HS6ST3: variants seen among roughly 807,000 people sequenced by gnomAD.
The protein encoded by HS6ST3 is heparan sulfate 6-O-sulfotransferase 3.
Under a neutral mutation model 36.7 loss-of-function variants are expected in HS6ST3, and 12 were observed. The ratio of observed to expected loss-of-function variants is 0.33; its 90% CI spans 0.21 to 0.53. The LOEUF is 0.53. Ranked by LOEUF, HS6ST3 falls within the 20% of genes least tolerant of loss-of-function variation. The probability of loss-of-function intolerance (pLI) is 0.95; values close to 1 mark genes in which losing one functional copy is unlikely to be tolerated. For synonymous variants in HS6ST3, 240 were observed against 257.5 expected, an observed-to-expected ratio of 0.93 and a Z score of 0.65; for missense variants, 584 against 640.9, an observed-to-expected ratio of 0.91 and a Z score of 0.96.
intron 1 of HS6ST3, among the ~76,000 whole-genome samples, chr13:96,591,712 A>G (rs966668429): frequency 6.6e-6 from 1 of 152,032 alleles, no homozygotes; most frequent in Non-Finnish European, 1.5e-5. Context: ...CGATTGCTCT[A>G]GCTAGGACTT....
intron 1 of HS6ST3, among the ~76,000 whole-genome samples, chr13:96,163,347 A>G (rs1007064456): frequency 6.8e-6 from 1 of 146,078 alleles, no homozygotes; most frequent in Non-Finnish European, 1.5e-5. Flanking sequence ...CTCCTGCCTT[A>G]GCCTCCTGAG....
At chr13:96,200,779 A>G (rs2054337985) in intron 1 of HS6ST3, among the ~76,000 whole-genome samples, 1 of 152,318 alleles carries the variant, frequency 6.6e-6, no homozygotes, top group East Asian at 1.9e-4. Flanking sequence ...TATACCTTAC[A>G]TCGTATTCAG....
At chr13:96,504,825 T>C (rs983104445) in intron 1 of HS6ST3, among the ~76,000 whole-genome samples, 2 of 152,160 alleles carry the variant, frequency 1.3e-5, no homozygotes, top group African/African-American at 4.8e-5. Flanking sequence ...TATAAAAATA[T>C]ATAAAATGTT....
chr13:96,281,418 CT>C (rs948887676), intron 1 of HS6ST3, among the ~76,000 whole-genome samples: 7 of 152,034 alleles, frequency 4.6e-5, no homozygotes, highest in Non-Finnish European at 1.0e-4. Flanking sequence ...ACTGTGCATG[CT>C]TTTTTTGGTA....
chr13:96,654,680 T>C (rs1437814293), intron 1 of HS6ST3, among the ~76,000 whole-genome samples: 4 of 152,136 alleles, frequency 2.6e-5, no homozygotes, highest in African/African-American at 7.2e-5. Context: ...GATTCTTGTC[T>C]TCCATTCTGT....
At chr13:96,783,876 T>C (rs1012282800) in intron 1 of HS6ST3, among the ~76,000 whole-genome samples, 1 of 152,148 alleles carries the variant, frequency 6.6e-6, no homozygotes, top group African/African-American at 2.4e-5. Flanking sequence ...ATTTGGTGTG[T>C]CATTGATCTT....
chr13:96,806,794 A>C (rs1425197549), intron 1 of HS6ST3, among the ~76,000 whole-genome samples: 1 of 152,218 alleles, frequency 6.6e-6, no homozygotes, highest in Admixed American at 6.5e-5. Flanking sequence ...TGACTATTCA[A>C]TTGCAGGTGA....
chr13:96,590,423 G>A lies in HS6ST3; in HGVS notation c.708-242067G>A, dbSNP rs773730750. Reference sequence around the variant, plus strand: ...ACATTTCATTGTAGTTTTGATTTGCGTTTCTCTGATAATCAGTGACATTTG... The same window carrying A: ...ACATTTCATTGTAGTTTTGATTTGCATTTCTCTGATAATCAGTGACATTTG... On this transcript the variant is annotated intron_variant, in intron 1 of 1. Transcript: ENST00000376705. Among the ~76,000 whole-genome samples the A allele has an allele frequency of 5.9e-5, 9 of 151,554 alleles. No individual in the cohort carries two copies. The South Asian group carries it at 6.2e-4, about 11-fold the overall frequency.
At chr13:96,706,209 A>G (rs571276518) in intron 1 of HS6ST3, among the ~76,000 whole-genome samples, 1 of 151,846 alleles carries the variant, frequency 6.6e-6, no homozygotes, top group African/African-American at 2.4e-5. Context: ...TTCCCCTAGG[A>G]CCATATGCCC....
intron 1 of HS6ST3, among the ~76,000 whole-genome samples, chr13:96,582,931 G>T (rs955593904): frequency 6.6e-6 from 1 of 151,912 alleles, no homozygotes; most frequent in Non-Finnish European, 1.5e-5. Context: ...TACTGCATGG[G>T]ATATTTTATA....
chr13:96,165,957 G>A (rs1312806366), intron 1 of HS6ST3, among the ~76,000 whole-genome samples: 1 of 152,144 alleles, frequency 6.6e-6, no homozygotes, highest in African/African-American at 2.4e-5. Context: ...TGCCCTAGGG[G>A]AGGGAGACCA....
chr13:96,243,085 CAT>C (rs1345891550), intron 1 of HS6ST3, among the ~76,000 whole-genome samples: 3 of 152,158 alleles, frequency 2.0e-5, no homozygotes, highest in Admixed American at 6.5e-5. Context: ...GCCACTTTAA[CAT>C]GTGATCGATA....
chr13:96,167,235 A>T (rs573346288), intron 1 of HS6ST3, among the ~76,000 whole-genome samples: 6 of 152,194 alleles, frequency 3.9e-5, no homozygotes, highest in African/African-American at 1.4e-4. Flanking sequence ...TCTTACAGGG[A>T]TGTTGGGATA....
At chr13:96,509,383 A>G (rs2056039789) in intron 1 of HS6ST3, among the ~76,000 whole-genome samples, 1 of 151,666 alleles carries the variant, frequency 6.6e-6, no homozygotes, top group South Asian at 2.1e-4. Context: ...TTTTTGTTGC[A>G]TTTGCTTTTG....
rs565850004 is a variant in HS6ST3 at position 96,742,502 on chromosome 13, A to G, written c.708-89988A>G. ...GGATGAAAAAAGATATACCAGGCAA[A>G]TGTTAACAATAAATGTACTTGTGGT... On this transcript the variant is annotated intron_variant, in intron 1 of 1. Coordinates refer to ENST00000376705, the MANE Select transcript of HS6ST3 (RefSeq NM_153456.4). Among the ~76,000 whole-genome samples, 51 of 152,228 alleles carry G rather than the reference A, an allele frequency of 3.4e-4. 1 individual carries two copies. The highest frequency in any genetic ancestry group is 1.2e-3 in the African/African-American group (50 of 41,552).
At position 96,835,502 on chromosome 13, in the gene HS6ST3, C is replaced by CCT. The variant is rs1878902125; in HGVS notation, c.*2304_*2305insCT. ...GAGGATTGCAGCTGGGATTAATGTT[C>CCT]GTCTCTCTCTCTCTCTCTCTCTAGC... On this transcript the variant is annotated 3_prime_UTR_variant, in exon 2 of 2. Coordinates refer to ENST00000376705, the MANE Select transcript of HS6ST3 (RefSeq NM_153456.4). The CCT allele has an allele frequency of 7.5e-6, 1 of 132,570 alleles. No individual in the cohort carries two copies. Among genetic ancestry groups the CCT allele is most frequent in the Non-Finnish European group, 1.6e-5 (1 of 61,542 alleles). 8.2% of individuals were successfully genotyped at this position (132,570 alleles called of 1,614,324 possible). A position where few individuals can be genotyped will look rare whatever the true frequency, so the allele number is the denominator to read the frequency against.
intron 1 of HS6ST3, among the ~76,000 whole-genome samples, chr13:96,484,776 C>T (rs1280889695): frequency 6.6e-6 from 1 of 152,184 alleles, no homozygotes; most frequent in Non-Finnish European, 1.5e-5. Flanking sequence ...GTTTCCATAT[C>T]TTGGCTATTG....
intron 1 of HS6ST3, among the ~76,000 whole-genome samples, chr13:96,410,959 C>A (rs891925228): frequency 3.9e-4 from 60 of 152,066 alleles, no homozygotes; most frequent in African/African-American, 1.4e-3. Context: ...TATATGTTAA[C>A]CCTGGAGCTC....
At chr13:96,443,423 G>A (rs984229115) in intron 1 of HS6ST3, among the ~76,000 whole-genome samples, 2 of 151,414 alleles carry the variant, frequency 1.3e-5, no homozygotes, top group Non-Finnish European at 2.9e-5. Context: ...CCAGCTACTC[G>A]GGAGGCTCAG....
Sources: allele counts gnomAD v4.1 joint callset (sites outside exome capture counted in the v4.1 genomes callset), GRCh38; gene constraint gnomAD v4.1.1; transcripts MANE v1.5; gene names NCBI Gene and HGNC (gene_info 2026-07-23, HGNC 2026-07-21).